TEX9: variants seen among roughly 807,000 people sequenced by gnomAD.
The protein encoded by TEX9 is testis expressed 9.
TEX9 carries 74 observed loss-of-function variants against 59.6 expected under a neutral mutation model. That is an observed-to-expected ratio of 1.24 (90% CI 1.03 to 1.51). TEX9 has a LOEUF of 1.51. Among genes scored for constraint, TEX9 ranks in the 40% most tolerant of loss-of-function variants. The probability of loss-of-function intolerance (pLI) is 0.00; values close to 1 mark genes in which losing one functional copy is unlikely to be tolerated. For missense variants in TEX9, 522 were observed against 447.8 expected, an observed-to-expected ratio of 1.17 and a Z score of -1.49; for synonymous variants, 186 against 152.2, an observed-to-expected ratio of 1.22 and a Z score of -1.64.
intron 1 of TEX9, among the ~76,000 whole-genome samples, chr15:56,325,680 A>G (rs1285408731): frequency 6.6e-6 from 1 of 152,154 alleles, no homozygotes; most frequent in Non-Finnish European, 1.5e-5. Context: ...TAATTTTTCT[A>G]TTTGTCCAAA....
intron 12 of TEX9, chr15:56,428,892 C>T (rs899898934): frequency 6.0e-6 from 3 of 498,774 alleles, no homozygotes; most frequent in Non-Finnish European, 7.0e-6. Flanking sequence ...TTGTAGAAAT[C>T]GGATTTTGAA....
chr15:56,360,764 G>A (rs762342394), upstream of TEX9, among the ~76,000 whole-genome samples: 5 of 152,134 alleles, frequency 3.3e-5, no homozygotes, highest in Non-Finnish European at 7.4e-5. Context: ...CTTCTGTCTG[G>A]TCCATATACA....
intron 1 of TEX9, among the ~76,000 whole-genome samples, chr15:56,314,415 G>T (rs1426943338): frequency 1.0e-5 from 1 of 100,240 alleles, no homozygotes; most frequent in African/African-American, 3.6e-5. Flanking sequence ...GTACCCAGTA[G>T]TCATTCAGGA....
intron 12 of TEX9, chr15:56,444,758 T>C: frequency 8.7e-7 from 1 of 1,151,608 alleles, no homozygotes; most frequent in East Asian, 2.4e-5. Context: ...TATTGAATAT[T>C]ATAAAGTCTT....
At chr15:56,329,693 G>A (rs1332706636) in intron 1 of TEX9, among the ~76,000 whole-genome samples, 1 of 152,066 alleles carries the variant, frequency 6.6e-6, no homozygotes, top group African/African-American at 2.4e-5. Flanking sequence ...TCATCAAAGA[G>A]AAGAAAGAAT....
intron 1 of TEX9, among the ~76,000 whole-genome samples, chr15:56,296,750 T>A (rs1445253126): frequency 6.6e-6 from 1 of 152,232 alleles, no homozygotes; most frequent in East Asian, 1.9e-4. Context: ...AGGGAATTCA[T>A]GTCAAAATAA....
chr15:56,304,524 TTGATA>T (rs2045432801), intron 1 of TEX9, among the ~76,000 whole-genome samples: 1 of 152,216 alleles, frequency 6.6e-6, no homozygotes, highest in Admixed American at 6.5e-5. Flanking sequence ...CTTCATTCTG[TTGATA>T]TGATGTATCA....
chr15:56,399,726 C>T (rs1212966403), intron 9 of TEX9, among the ~76,000 whole-genome samples: 2 of 152,174 alleles, frequency 1.3e-5, no homozygotes, highest in African/African-American at 4.8e-5. Context: ...ACAGACACCT[C>T]ATGTAGGTGG....
chr15:56,356,599 C>T (rs1436855450), intron 1 of TEX9, among the ~76,000 whole-genome samples: 1 of 152,012 alleles, frequency 6.6e-6, no homozygotes, highest in Admixed American at 6.6e-5. Flanking sequence ...TCTTGCAATA[C>T]AGTATTGGTG....
At position 56,401,317 on chromosome 15, in the gene TEX9, A is replaced by G. The variant is rs1461838745; in HGVS notation, c.828+6483A>G. ...CCAAGCAAATTGAAAGCAAAAAAAA[A>G]AAAAAAAAAAAAAAACAGGGGTTGC... On this transcript the variant is annotated intron_variant, in intron 9 of 12. Transcript: ENST00000352903. Among the ~76,000 whole-genome samples, 5 of 148,926 alleles carry G rather than the reference A, an allele frequency of 3.4e-5. 1 individual carries two copies. The highest frequency in any genetic ancestry group is 6.0e-5 in the Non-Finnish European group (4 of 67,022).
intron 8 of TEX9, 128 bp from the exon 9 acceptor site, chr15:56,394,533 T>C: frequency 2.7e-6 from 2 of 744,596 alleles, no homozygotes; most frequent in Non-Finnish European, 4.2e-6. Context: ...AAGATAAAAA[T>C]AGACTAATTT....
intron 10 of TEX9, among the ~76,000 whole-genome samples, chr15:56,413,291 A>T (rs868446066): frequency 1.9e-4 from 28 of 146,222 alleles, no homozygotes; most frequent in East Asian, 3.9e-4. Context: ...TAATTTAATA[A>T]TAAATTATTT....
chr15:56,427,463 A>G, intron 10 of TEX9, 142 bp from the exon 11 acceptor site: 1 of 473,786 alleles, frequency 2.1e-6, no homozygotes. Context: ...GTAATTCGGT[A>G]ATGGAAAGCA....
intron 10 of TEX9, among the ~76,000 whole-genome samples, chr15:56,412,794 T>C (rs1244108703): frequency 6.6e-6 from 1 of 152,152 alleles, no homozygotes; most frequent in Non-Finnish European, 1.5e-5. Context: ...AGTTTTCTAA[T>C]AGATAAAGTA....
chr15:56,328,177 G>C (rs2046065059), intron 1 of TEX9, among the ~76,000 whole-genome samples: 2 of 151,786 alleles, frequency 1.3e-5, no homozygotes, highest in African/African-American at 4.8e-5. Flanking sequence ...ACTGGGCAGA[G>C]TCATGAGGTC....
intron 1 of TEX9, among the ~76,000 whole-genome samples, chr15:56,250,857 A>G (rs1020965243): frequency 1.3e-5 from 2 of 152,216 alleles, no homozygotes. Flanking sequence ...TACTTAAGTC[A>G]ACTGATTGTA....
intron 1 of TEX9, among the ~76,000 whole-genome samples, chr15:56,255,647 A>G (rs2044129097): frequency 6.6e-6 from 1 of 152,122 alleles, no homozygotes; most frequent in African/African-American, 2.4e-5. Context: ...CATATTAGTG[A>G]AAAATAGAAT....
chr15:56,311,914 A>C (rs1481935890), intron 1 of TEX9, among the ~76,000 whole-genome samples: 1 of 146,618 alleles, frequency 6.8e-6, no homozygotes, highest in Admixed American at 6.8e-5. Flanking sequence ...GCATTTTTTC[A>C]TGTGTTTTTT....
rs530959543 is a variant in TEX9 at position 56,435,595 on chromosome 15, A to G, written c.*29+7122A>G. ...AGATGAAATGGATCACTTCCTTGAG[A>G]AACACAAGCTACCAAAACTCACCAA... On this transcript the variant is annotated intron_variant, in intron 12 of 12. Transcript: ENST00000352903. Among the ~76,000 whole-genome samples, 8 of 152,200 alleles carry G rather than the reference A, an allele frequency of 5.3e-5. No homozygotes were observed. In the South Asian group the frequency reaches 8.3e-4, roughly 16 times the overall value.
Sources: allele counts gnomAD v4.1 joint callset (sites outside exome capture counted in the v4.1 genomes callset), GRCh38; gene constraint gnomAD v4.1.1; transcripts MANE v1.5; gene names NCBI Gene and HGNC (gene_info 2026-07-23, HGNC 2026-07-21).